Variants in MCTP1 observed in about 807,000 individuals in gnomAD.
The protein encoded by MCTP1 is multiple C2 and transmembrane domain containing 1.
In MCTP1, 69 loss-of-function variants were observed where a neutral mutation model predicts 120.6. The observed-to-expected ratio is 0.57, with a 90% CI of 0.47 to 0.70. The LOEUF (loss-of-function observed/expected upper bound fraction) is 0.70. Among genes scored for constraint, MCTP1 ranks in the 30% least tolerant of loss-of-function variants. The pLI is 0.00. For synonymous variants in MCTP1, 529 were observed against 493.1 expected (o/e 1.07, Z -0.96); for missense variants, 1,203 against 1,248.8 (o/e 0.96, Z 0.55).
At chr5:95,147,467 C>T (rs1248070320) in intron 1 of MCTP1, among the ~76,000 whole-genome samples, 1 of 152,082 alleles carries the variant, frequency 6.6e-6, no homozygotes, top group Non-Finnish European at 1.5e-5. Context: ...CTTCTTTGTC[C>T]TTCTTGATAG....
At chr5:95,206,697 C>A (rs990144430) in intron 1 of MCTP1, among the ~76,000 whole-genome samples, 9 of 151,950 alleles carry the variant, frequency 5.9e-5, no homozygotes, top group African/African-American at 9.7e-5. Flanking sequence ...ACCACCACAC[C>A]CAGCCAATTT....
At chr5:94,915,128 GAGCTTT>G (rs1364282125) in intron 8 of MCTP1, among the ~76,000 whole-genome samples, 5 of 152,312 alleles carry the variant, frequency 3.3e-5, no homozygotes, top group South Asian at 4.1e-4. Flanking sequence ...AACTTATATA[GAGCTTT>G]AGAATTTAAA....
intron 17 of MCTP1, among the ~76,000 whole-genome samples, chr5:94,813,599 A>G (rs957805010): frequency 6.6e-6 from 1 of 152,182 alleles, no homozygotes; most frequent in Admixed American, 6.6e-5. Context: ...AATGTGCTAT[A>G]TCCAAGGAAT....
chr5:94,971,285 T>C (rs551968411), intron 2 of MCTP1, among the ~76,000 whole-genome samples: 2 of 152,240 alleles, frequency 1.3e-5, no homozygotes, highest in South Asian at 4.1e-4. Flanking sequence ...CACCAAAACC[T>C]GTTTCATTAA....
intron 1 of MCTP1, among the ~76,000 whole-genome samples, chr5:95,029,383 A>AG (rs927458015): frequency 2.4e-4 from 36 of 152,272 alleles, no homozygotes; most frequent in Middle Eastern, 6.8e-3. Flanking sequence ...CTTTAAAAAA[A>AG]GTCCTTGTGA....
At chr5:94,962,700 A>G (rs529751643) in intron 2 of MCTP1, among the ~76,000 whole-genome samples, 2 of 152,042 alleles carry the variant, frequency 1.3e-5, no homozygotes, top group South Asian at 4.2e-4. Context: ...GAATGATACA[A>G]TGAACTTTGG....
intron 19 of MCTP1, among the ~76,000 whole-genome samples, chr5:94,767,779 G>A (rs889215368): frequency 6.6e-6 from 1 of 151,866 alleles, no homozygotes; most frequent in Admixed American, 6.6e-5. Context: ...AAATGAAAAG[G>A]GATCCCATGC....
intron 1 of MCTP1, among the ~76,000 whole-genome samples, chr5:95,273,564 A>G (rs1244613331): frequency 6.6e-6 from 1 of 152,100 alleles, no homozygotes; most frequent in East Asian, 1.9e-4. Flanking sequence ...GATTTTTTAA[A>G]CTAACATGTT....
At chr5:95,138,233 A>ACCC (rs58216046) in intron 1 of MCTP1, among the ~76,000 whole-genome samples, 3,318 of 141,994 alleles carry the variant, frequency 0.023, 68 homozygotes, top group Middle Eastern at 0.069. Flanking sequence ...GTGAGATGCA[A>ACCC]CCCCCCCCCG....
intron 22 of MCTP1, 56 bp from the exon 23 acceptor site, chr5:94,707,623 AAGGAACAGCAAAGG>A: frequency 7.7e-7 from 1 of 1,301,896 alleles, no homozygotes; most frequent in Non-Finnish European, 1.1e-6. Flanking sequence ...CTGGCAAAGA[AAGGAACAGCAAAGG>A]AATGAGAGAC....
At chr5:94,980,854 T>C (rs1211878913) in intron 2 of MCTP1, 1 of 152,164 alleles carries the variant, frequency 6.6e-6, no homozygotes, top group African/African-American at 2.4e-5. Flanking sequence ...GTTGCCACCA[T>C]CTCCTTGATT....
At chr5:95,277,090 A>G (rs1252826034) in intron 1 of MCTP1, among the ~76,000 whole-genome samples, 1 of 152,178 alleles carries the variant, frequency 6.6e-6, no homozygotes, top group Non-Finnish European at 1.5e-5. Flanking sequence ...GGCATAGCTA[A>G]GTGAGGATGT....
intron 1 of MCTP1, among the ~76,000 whole-genome samples, chr5:95,202,573 T>A (rs1278166098): frequency 1.3e-5 from 2 of 152,212 alleles, no homozygotes; most frequent in African/African-American, 4.8e-5. Flanking sequence ...ATTTTCTTTT[T>A]ACTGTAAGCT....
At chr5:94,965,523 GT>G (rs1261699477) in intron 2 of MCTP1, among the ~76,000 whole-genome samples, 2 of 107,604 alleles carry the variant, frequency 1.9e-5, no homozygotes, top group Non-Finnish European at 4.0e-5. Context: ...TGTGTGGATG[GT>G]TTTTTTTATC....
At position 94,859,610 on chromosome 5, in the gene MCTP1, G is replaced by A. The variant is rs79592016; in HGVS notation, c.2436+8723C>T. On this transcript the variant is annotated intron_variant, in intron 17 of 22. Coordinates refer to ENST00000515393, the MANE Select transcript of MCTP1 (RefSeq NM_024717.7). ...TAATTAAACATAATGAAAGCAAAAC[G>A]AAAAGAATTTAAACAAAACCAGATA... Among the ~76,000 whole-genome samples, 1,340 of 151,688 alleles carry A rather than the reference G, an allele frequency of 8.8e-3. 17 individuals carry two copies. The highest frequency in any genetic ancestry group is 0.031 in the African/African-American group (1,282 of 41,430).
chr5:95,195,774 T>C (rs1012167250), intron 1 of MCTP1, among the ~76,000 whole-genome samples: 1 of 152,116 alleles, frequency 6.6e-6, no homozygotes, highest in Non-Finnish European at 1.5e-5. Flanking sequence ...AGCAGCAGTA[T>C]AGCTCTTGGT....
Position 95,243,850 on chromosome 5 carries a change from A to C in MCTP1, c.720+40006T>G, listed in dbSNP as rs74924261. On this transcript the variant is annotated intron_variant, in intron 1 of 22. Coordinates refer to ENST00000515393, the MANE Select transcript of MCTP1 (RefSeq NM_024717.7). Reference sequence around the variant, plus strand: ...GATGAATGAATAAAGAATGAGAACTAAACAAGATGGCCAGCTTTCTGTCTT... The same window carrying C: ...GATGAATGAATAAAGAATGAGAACTCAACAAGATGGCCAGCTTTCTGTCTT... 5.1e-3 allele frequency among the ~76,000 whole-genome samples: 775 copies of C among 152,338 alleles called. 8 individuals are homozygous for C. The highest frequency in any genetic ancestry group is 0.018 in the African/African-American group (733 of 41,570).
intron 2 of MCTP1, among the ~76,000 whole-genome samples, chr5:94,989,458 T>C (rs941322399): frequency 6.6e-6 from 1 of 152,200 alleles, no homozygotes; most frequent in African/African-American, 2.4e-5. Flanking sequence ...ATAAGAAATG[T>C]ATATTTGGTC....
chr5:95,071,496 C>T (rs1275221761), intron 1 of MCTP1, among the ~76,000 whole-genome samples: 1 of 152,148 alleles, frequency 6.6e-6, no homozygotes, highest in Admixed American at 6.5e-5. Context: ...AGTTAACTTC[C>T]CCTTTTATTC....
Sources: allele counts gnomAD v4.1 joint callset (sites outside exome capture counted in the v4.1 genomes callset), GRCh38; gene constraint gnomAD v4.1.1; transcripts MANE v1.5; gene names NCBI Gene and HGNC (gene_info 2026-07-23, HGNC 2026-07-21).